The following TENM2 variants were observed in gnomAD, a reference collection of about 807,000 sequenced individuals.
The protein encoded by TENM2 is teneurin-2.
A neutral mutation model predicts 245.2 loss-of-function variants in TENM2; 52 were observed. The observed-to-expected ratio is 0.21, with a 90% CI of 0.17 to 0.27. The LOEUF is 0.27. TENM2 is among the 10% of genes least tolerant of loss of function. The pLI, the probability that TENM2 is intolerant of heterozygous loss-of-function variation, is 1.00. For synonymous variants in TENM2, 1,363 were observed against 1,438.9 expected, an observed-to-expected ratio of 0.95 and a Z score of 1.19; for missense variants, 3,046 against 3,666.8, an observed-to-expected ratio of 0.83 and a Z score of 4.37.
rs36064507 is a variant in TENM2 at position 168,062,056 on chromosome 5, T to TC, written c.1310-3dup. 1.2e-6 allele frequency: 2 copies of TC among 1,601,326 alleles called. No individual in the cohort carries two copies. Among genetic ancestry groups the TC allele is most frequent in the African/African-American group, 1.4e-5 (1 of 73,250 alleles). On this transcript the variant is annotated splice_polypyrimidine_tract_variant and splice_region_variant and intron_variant, in intron 6 of 28. Coordinates refer to ENST00000518659, the Ensembl canonical transcript of TENM2. ...CTGCTGTTTATTCCTTTTTTTTTTT[T>TC]CAGTGCCCTGGTCGTTGAAAAACAG...
chr5:167,405,769 A>ACACACACACACAC (rs1762599972), intron 2 of TENM2, among the ~76,000 whole-genome samples: 1 of 145,186 alleles, frequency 6.9e-6, no homozygotes, highest in Admixed American at 6.9e-5. Context: ...CACACACACA[A>ACACACACACACAC]ACACACACAC....
chr5:168,051,309 G>C (rs912548582), intron 6 of TENM2, among the ~76,000 whole-genome samples: 2 of 152,096 alleles, frequency 1.3e-5, no homozygotes, highest in African/African-American at 4.8e-5. Flanking sequence ...CCAGCTGCCT[G>C]TTTTTATAAA....
intron 2 of TENM2, among the ~76,000 whole-genome samples, chr5:167,612,651 C>T (rs1042352864): frequency 6.6e-6 from 1 of 152,052 alleles, no homozygotes; most frequent in African/African-American, 2.4e-5. Context: ...TTCAATTGGA[C>T]TCAGTGAATT....
chr5:167,905,908 G>A (rs925265221), intron 3 of TENM2, among the ~76,000 whole-genome samples: 1 of 152,082 alleles, frequency 6.6e-6, no homozygotes, highest in African/African-American at 2.4e-5. Flanking sequence ...AATGCGACAG[G>A]GAACATTAAG....
At position 168,198,723 on chromosome 5, in the gene TENM2, G is replaced by C. The variant is rs1761676572; in HGVS notation, c.2901-130G>C. Reference sequence around the variant, plus strand: ...TAGAGTTTGGGTTCCAGCCCCACCTGTCTGCCTCCAAAGCCCATGGTCTCC... The same window carrying C: ...TAGAGTTTGGGTTCCAGCCCCACCTCTCTGCCTCCAAAGCCCATGGTCTCC... On this transcript the variant is annotated intron_variant, in intron 15 of 28. Coordinates refer to ENST00000518659, the Ensembl canonical transcript of TENM2. 4 of 1,190,610 alleles carry C rather than the reference G, an allele frequency of 3.4e-6. No individual in the cohort carries two copies. In the East Asian group the frequency reaches 7.1e-5, roughly 21 times the overall value. The allele number at this position is 1,190,610 out of a possible 1,614,324, so 73.8% of individuals were successfully genotyped here.
intron 2 of TENM2, among the ~76,000 whole-genome samples, chr5:167,779,309 C>T (rs1764024149): frequency 6.6e-6 from 1 of 152,126 alleles, no homozygotes; most frequent in Non-Finnish European, 1.5e-5. Flanking sequence ...TTACTCCAGC[C>T]TCCATTGACA....
chr5:167,416,430 G>A (rs549999606), intron 2 of TENM2, among the ~76,000 whole-genome samples: 13 of 152,130 alleles, frequency 8.5e-5, no homozygotes, highest in Admixed American at 7.2e-4. Flanking sequence ...AAATACATAC[G>A]GGGCTCCTAA....
At chr5:167,204,160 GA>G in the TENM2 span, among the ~76,000 whole-genome samples, 71 of 145,534 alleles carry the variant, frequency 4.9e-4, no homozygotes, top group African/African-American at 1.2e-3. Flanking sequence ...GCCTTAGAAG[GA>G]AAAAAAAAAA....
the TENM2 span, among the ~76,000 whole-genome samples, chr5:167,275,692 A>T: frequency 2.6e-5 from 4 of 152,010 alleles, no homozygotes; most frequent in African/African-American, 9.7e-5. Flanking sequence ...ATTGATTTTT[A>T]CATTTTTATC....
At chr5:167,697,407 A>C (rs1158719728) in intron 2 of TENM2, among the ~76,000 whole-genome samples, 1 of 152,158 alleles carries the variant, frequency 6.6e-6, no homozygotes. Context: ...CATTAGTTTA[A>C]TATCTGTTGA....
intron 1 of TENM2, among the ~76,000 whole-genome samples, chr5:167,357,469 G>C (rs1363247345): frequency 2.0e-5 from 3 of 151,970 alleles, no homozygotes; most frequent in Non-Finnish European, 4.4e-5. Context: ...TTTTAGTAGA[G>C]ACGGGATCTG....
intron 4 of TENM2, among the ~76,000 whole-genome samples, chr5:167,976,965 A>G (rs1782487183): frequency 1.3e-5 from 2 of 152,224 alleles, no homozygotes; most frequent in Admixed American, 1.3e-4. Context: ...TGGTACATAT[A>G]CACCATGGAA....
intron 2 of TENM2, among the ~76,000 whole-genome samples, chr5:167,869,998 T>C (rs1772676885): frequency 6.6e-6 from 1 of 152,232 alleles, no homozygotes; most frequent in South Asian, 2.1e-4. Context: ...GTAGATACTT[T>C]AGTCAAGCAT....
chr5:167,005,240 A>ATCT, the TENM2 span, among the ~76,000 whole-genome samples: 2 of 152,172 alleles, frequency 1.3e-5, no homozygotes, highest in African/African-American at 4.8e-5. Context: ...ATTTCTTGAA[A>ATCT]GTTGGGAATG....
chr5:168,240,089 G>A (rs1765950236), intron 25 of TENM2, among the ~76,000 whole-genome samples: 7 of 152,176 alleles, frequency 4.6e-5, no homozygotes, highest in Admixed American at 4.6e-4. Context: ...GCATGGTGGT[G>A]CACCTCTGTA....
intron 1 of TENM2, among the ~76,000 whole-genome samples, chr5:167,321,160 G>A (rs1250532284): frequency 1.3e-5 from 2 of 151,870 alleles, no homozygotes; most frequent in African/African-American, 4.8e-5. Flanking sequence ...GCTCTTCTCT[G>A]GAAATTATAT....
At chr5:167,584,852 G>A (rs1420369568) in intron 2 of TENM2, among the ~76,000 whole-genome samples, 5 of 151,720 alleles carry the variant, frequency 3.3e-5, no homozygotes, top group Admixed American at 2.0e-4. Flanking sequence ...CCGCCACCAC[G>A]CCCGGCTAAT....
At chr5:167,160,644 T>G in the TENM2 span, among the ~76,000 whole-genome samples, 1 of 152,238 alleles carries the variant, frequency 6.6e-6, no homozygotes, top group Non-Finnish European at 1.5e-5. Flanking sequence ...GCCCACTCAA[T>G]CTACTTAGGC....
the TENM2 span, among the ~76,000 whole-genome samples, chr5:167,141,000 C>T: frequency 3.9e-5 from 6 of 152,058 alleles, no homozygotes; most frequent in South Asian, 2.1e-4. Context: ...ATAAACCTTG[C>T]GTATTTACGT....
Sources: gnomAD v4.1 joint callset for allele counts (sites outside exome capture counted in the v4.1 genomes callset) on GRCh38, gnomAD v4.1.1 for gene constraint, MANE v1.5 for transcripts, NCBI Gene and HGNC (gene_info 2026-07-23, HGNC 2026-07-21) for gene names.